IFT88: variants seen among roughly 807,000 people sequenced by gnomAD.
IFT88 encodes the protein intraflagellar transport protein 88 homolog.
Under a neutral mutation model 119.5 loss-of-function variants are expected in IFT88, and 74 were observed. The observed-to-expected ratio is 0.62, with a 90% CI of 0.51 to 0.75. The LOEUF (loss-of-function observed/expected upper bound fraction) is 0.75. Ranked by LOEUF, IFT88 falls within the 30% of genes least tolerant of loss-of-function variation. IFT88 has a pLI of 0.00. For synonymous variants in IFT88, 279 were observed against 316.7 expected, an observed-to-expected ratio of 0.88 and a Z score of 1.26; for missense variants, 961 against 977.7, an observed-to-expected ratio of 0.98 and a Z score of 0.23.
In IFT88 at chr13:20,642,983, T is replaced by A. The variant is rs2050188994; in HGVS notation, c.1683-472T>A. 3 of 142,692 alleles carry A rather than the reference T, an allele frequency of 2.1e-5. No individual in the cohort carries two copies. The Admixed American group carries it at 2.2e-4, about 10-fold the overall frequency. 8.8% of individuals were successfully genotyped at this position (142,692 alleles called of 1,614,324 possible). ...CTGATATGAATAAATTATTTGTATA[T>A]ACACCGAAGACTTAGTAGGTACTAA... On this transcript the variant is annotated intron_variant, in intron 18 of 25. Coordinates refer to ENST00000351808, the MANE Select transcript of IFT88 (RefSeq NM_006531.5).
chr13:20,666,157 A>G (rs1012666742), intron 23 of IFT88, among the ~76,000 whole-genome samples: 10 of 152,290 alleles, frequency 6.6e-5, no homozygotes, highest in Admixed American at 3.3e-4. Flanking sequence ...TGACATGACC[A>G]TTGGTCAACC....
At chr13:20,603,454 C>T (rs58402201) in intron 12 of IFT88, among the ~76,000 whole-genome samples, 403 of 151,916 alleles carry the variant, frequency 2.7e-3, no homozygotes, top group African/African-American at 8.8e-3. Context: ...AAGCCAGATG[C>T]CTTGGCTCTC....
chr13:20,635,284 A>G (rs564989284), intron 16 of IFT88, among the ~76,000 whole-genome samples: 2 of 152,308 alleles, frequency 1.3e-5, no homozygotes, highest in Admixed American at 1.3e-4. Context: ...TATTCACAAT[A>G]GCAAGGACTT....
At chr13:20,656,463 G>T (rs2052823164) in intron 22 of IFT88, 33 bp downstream of exon 22, 1 of 1,048,444 alleles carries the variant, frequency 9.5e-7, no homozygotes, top group South Asian at 1.7e-5. Flanking sequence ...ACTTTGAAGT[G>T]ATAAGTTCTC....
chr13:20,660,528 A>G (rs895385829), intron 22 of IFT88, among the ~76,000 whole-genome samples: 2 of 152,228 alleles, frequency 1.3e-5, no homozygotes, highest in Non-Finnish European at 2.9e-5. Flanking sequence ...TGGCTGCTGT[A>G]TGGAGAATAA....
intron 16 of IFT88, among the ~76,000 whole-genome samples, chr13:20,637,889 T>G (rs1206827349): frequency 6.6e-6 from 1 of 152,198 alleles, no homozygotes; most frequent in Non-Finnish European, 1.5e-5. Flanking sequence ...GGCAAGGCCC[T>G]GACCGAGCAT....
At chr13:20,671,132 A>G (rs2055783196) in intron 24 of IFT88, 93 bp downstream of exon 24, 1 of 993,720 alleles carries the variant, frequency 1.0e-6, no homozygotes, top group South Asian at 1.5e-5. Context: ...AAGTGTTCTT[A>G]TGTGTCTGTC....
chr13:20,653,858 C>T lies in IFT88; in HGVS notation c.1950-18C>T. The stretch of plus-strand genomic sequence containing the variant: ...GATTTTTTTATCTCTAATTTCATCT[C>T]ATTTATTTATTTTATAGGCCTACAC... On this transcript the variant is annotated intron_variant, in intron 20 of 25. Transcript: ENST00000351808. 1 of 1,461,506 alleles carries T rather than the reference C, an allele frequency of 6.8e-7. No homozygotes were observed. Among genetic ancestry groups the T allele is most frequent in the Non-Finnish European group, 9.3e-7 (1 of 1,078,426 alleles). The allele number at this position is 1,461,506 out of a possible 1,614,324, so 90.5% of individuals were successfully genotyped here.
At chr13:20,595,141 A>G (rs901431794) in intron 7 of IFT88, among the ~76,000 whole-genome samples, 6 of 152,168 alleles carry the variant, frequency 3.9e-5, no homozygotes, top group Non-Finnish European at 5.9e-5. Context: ...GTGCACGCCT[A>G]TAGTGTCAAC....
chr13:20,632,961 A>G (rs932793604), intron 16 of IFT88, among the ~76,000 whole-genome samples: 1 of 152,194 alleles, frequency 6.6e-6, no homozygotes, highest in East Asian at 1.9e-4. Context: ...TATCCCTCAT[A>G]TATGTAAAGA....
chr13:20,582,586 G>C (rs1271548867), intron 2 of IFT88, among the ~76,000 whole-genome samples: 2 of 152,030 alleles, frequency 1.3e-5, no homozygotes, highest in African/African-American at 4.8e-5. Flanking sequence ...GGGGGATGGT[G>C]GGGAGAGAGA....
chr13:20,585,790 A>G (rs374479082), intron 3 of IFT88, among the ~76,000 whole-genome samples: 2 of 152,368 alleles, frequency 1.3e-5, no homozygotes, highest in East Asian at 3.9e-4. Flanking sequence ...ATTCTTCACT[A>G]CACATTCTAA....
intron 7 of IFT88, among the ~76,000 whole-genome samples, chr13:20,594,897 A>G (rs2041366417): frequency 1.3e-5 from 2 of 152,214 alleles, no homozygotes; most frequent in African/African-American, 2.4e-5. Flanking sequence ...ATCCATTTGT[A>G]GAGAATTAAG....
At chr13:20,573,260 C>G (rs551138862) in intron 1 of IFT88, among the ~76,000 whole-genome samples, 2 of 152,110 alleles carry the variant, frequency 1.3e-5, no homozygotes, top group South Asian at 4.2e-4. Flanking sequence ...AATCACTAAT[C>G]AACGTTATTT....
At chr13:20,647,159 T>C (rs2050880726) in intron 20 of IFT88, among the ~76,000 whole-genome samples, 1 of 152,220 alleles carries the variant, frequency 6.6e-6, no homozygotes, top group African/African-American at 2.4e-5. Flanking sequence ...CTCTCTACTT[T>C]TCTATAAACT....
intron 3 of IFT88, among the ~76,000 whole-genome samples, chr13:20,586,286 T>C (rs2039649070): frequency 6.6e-6 from 1 of 152,198 alleles, no homozygotes; most frequent in Non-Finnish European, 1.5e-5. Flanking sequence ...ATATGAAACA[T>C]CTTACAGGTT....
At chr13:20,607,732 A>G in intron 13 of IFT88, 1 of 758,584 alleles carries the variant, frequency 1.3e-6, no homozygotes, top group Non-Finnish European at 2.5e-6. Context: ...TCTGGCTGTC[A>G]GCGGCTTCTG....
chr13:20,595,035 T>C (rs1232638560), intron 7 of IFT88, among the ~76,000 whole-genome samples: 5 of 57,588 alleles, frequency 8.7e-5, no homozygotes, highest in African/African-American at 1.5e-4. Context: ...TTTTGAAAGG[T>C]AACTGATTTG....
At chr13:20,597,192 C>A (rs1407900943) in intron 9 of IFT88, 73 bp downstream of exon 9, 1 of 707,868 alleles carries the variant, frequency 1.4e-6, no homozygotes, top group South Asian at 2.3e-5. Flanking sequence ...AGTCTTTTTT[C>A]TTTTATTTTT....
Sources: gnomAD v4.1 joint callset for allele counts (sites outside exome capture counted in the v4.1 genomes callset) on GRCh38, gnomAD v4.1.1 for gene constraint, MANE v1.5 for transcripts, NCBI Gene and HGNC (gene_info 2026-07-23, HGNC 2026-07-21) for gene names.